STPG1: variants seen among roughly 807,000 people sequenced by gnomAD.
The protein encoded by STPG1 is O(6)-methylguanine-induced apoptosis 2.
A neutral mutation model predicts 40.1 loss-of-function variants in STPG1; 33 were observed. That is an observed-to-expected ratio of 0.82 (90% CI 0.62 to 1.10). STPG1 has a LOEUF of 1.10. STPG1 is among the 50% of genes least tolerant of loss of function. STPG1 has a pLI of 0.00. For synonymous variants in STPG1, 150 were observed against 155.0 expected (o/e 0.97, Z 0.24); for missense variants, 396 against 415.1 (o/e 0.95, Z 0.40).
rs1553126266 is a variant in STPG1, at chr1:24,396,297, A to ATCTATCTATCTATCTG, written c.71-4619_71-4618insCAGATAGATAGATAGA. 7.8e-3 allele frequency among the ~76,000 whole-genome samples: 1,036 copies of ATCTATCTATCTATCTG among 132,614 alleles called. 19 individuals carry two copies. The highest frequency in any genetic ancestry group is 0.031 in the African/African-American group (949 of 30,426). The allele number at this position is 132,614 out of a possible 152,430, so 87.0% of individuals were successfully genotyped here. On this transcript the variant is annotated intron_variant, in intron 2 of 8. Coordinates refer to ENST00000337248, the MANE Select transcript of STPG1 (RefSeq NM_001199013.2). ...TATCTATCTATCTATCTATCTATCT[A>ATCTATCTATCTATCTG]TCATCTATCTATCTTATTGATCTAT...
intron 5 of STPG1, among the ~76,000 whole-genome samples, chr1:24,375,836 TGTGTCGCTG>T (rs1641997143): frequency 6.6e-6 from 1 of 152,092 alleles, no homozygotes; most frequent in African/African-American, 2.4e-5. Flanking sequence ...ACGCTGAGTG[TGTGTCGCTG>T]GAAGATTTCC....
intron 3 of STPG1, among the ~76,000 whole-genome samples, chr1:24,389,266 C>T (rs1642648100): frequency 6.6e-6 from 1 of 152,086 alleles, no homozygotes; most frequent in Non-Finnish European, 1.5e-5. Flanking sequence ...AACTAGATCA[C>T]GGGGAATGGG....
At chr1:24,385,304 G>T (rs919475059) in intron 3 of STPG1, among the ~76,000 whole-genome samples, 1 of 152,210 alleles carries the variant, frequency 6.6e-6, no homozygotes, top group Admixed American at 6.5e-5. Context: ...GGGAGGTGAC[G>T]ACAGGGGTGC....
chr1:24,406,513 T>C (rs1264514938), intron 1 of STPG1, among the ~76,000 whole-genome samples: 2 of 152,138 alleles, frequency 1.3e-5, no homozygotes, highest in Non-Finnish European at 2.9e-5. Flanking sequence ...AGTCCTTCTA[T>C]CTACAGAAAT....
intron 1 of STPG1, among the ~76,000 whole-genome samples, chr1:24,405,512 A>AT (rs1643380242): frequency 6.6e-6 from 1 of 151,986 alleles, no homozygotes; most frequent in Admixed American, 6.6e-5. Context: ...GTTGAATGGG[A>AT]TTTTTTATAA....
intron 3 of STPG1, among the ~76,000 whole-genome samples, chr1:24,390,799 A>T (rs1642735768): frequency 1.4e-5 from 2 of 145,664 alleles, no homozygotes; most frequent in African/African-American, 5.1e-5. Flanking sequence ...TACAAAGGTA[A>T]TTTTTTTTTT....
intron 6 of STPG1, among the ~76,000 whole-genome samples, chr1:24,371,533 G>A (rs564744551): frequency 6.6e-6 from 1 of 151,068 alleles, no homozygotes; most frequent in African/African-American, 2.4e-5. Context: ...GAAGGTTGCA[G>A]TGAGCCGAGA....
At chr1:24,401,977 A>G (rs991440064) in intron 1 of STPG1, among the ~76,000 whole-genome samples, 8 of 152,178 alleles carry the variant, frequency 5.3e-5, no homozygotes, top group Admixed American at 2.0e-4. Flanking sequence ...GTGAGCCACC[A>G]TGCCTGGCCT....
In STPG1 at chr1:24,391,585, T is replaced by C. The variant is rs2294520; in HGVS notation, c.165A>G (p.Gln55=). The change falls in exon 3 of 9, where the codon CAA becomes CAG. Residue 55 remains glutamine, a synonymous_variant. Transcript: ENST00000337248. ...CCTTCTTATGAGGAAATCTCTTGGC[T>C]TGACTATTGAATCCTTTTTTTTCTG... The part of the protein sequence containing the change: ...PESEKKGFNS[Q]AKRFPHKKND... 0.25 allele frequency: 386,297 copies of C among 1,538,720 alleles called. 51,288 individuals carry two copies. The highest frequency in any genetic ancestry group is 0.47 in the East Asian group (19,124 of 40,826).
intron 7 of STPG1, among the ~76,000 whole-genome samples, chr1:24,368,119 C>T (rs1231756599): frequency 6.6e-6 from 1 of 152,184 alleles, no homozygotes; most frequent in East Asian, 1.9e-4. Context: ...TGCCCCAGCC[C>T]CTAGCCCTAC....
At chr1:24,365,464 T>C (rs1444301946) in intron 7 of STPG1, among the ~76,000 whole-genome samples, 1 of 152,222 alleles carries the variant, frequency 6.6e-6, no homozygotes, top group Non-Finnish European at 1.5e-5. Context: ...AAACCTTGGC[T>C]GATACTTCAC....
intron 6 of STPG1, 70 bp downstream of exon 6, chr1:24,373,632 T>C (rs778253351): frequency 1.1e-5 from 11 of 1,021,834 alleles, no homozygotes; most frequent in East Asian, 4.8e-5. Flanking sequence ...TGTGAAGAAG[T>C]AGGTGCCCTG....
chr1:24,390,893 C>CA (rs57524493), intron 3 of STPG1, among the ~76,000 whole-genome samples: 106,247 of 151,642 alleles, frequency 0.7, 38,303 homozygotes, highest in African/African-American at 0.89. Context: ...TCGACCTCCT[C>CA]GGTTCAGGTG....
intron 7 of STPG1, among the ~76,000 whole-genome samples, chr1:24,363,886 C>T (rs1470928144): frequency 2.0e-5 from 3 of 152,154 alleles, no homozygotes; most frequent in Admixed American, 6.5e-5. Flanking sequence ...AGGAGACAGA[C>T]GCTGAGCACC....
chr1:24,396,500 A>G (rs1643012500), intron 2 of STPG1, among the ~76,000 whole-genome samples: 1 of 152,146 alleles, frequency 6.6e-6, no homozygotes, highest in African/African-American at 2.4e-5. Context: ...TAGTCTTTGC[A>G]GTCTATTTAT....
intron 5 of STPG1, 79 bp from the exon 6 acceptor site, chr1:24,373,889 A>C: frequency 9.7e-7 from 1 of 1,033,810 alleles, no homozygotes; most frequent in Non-Finnish European, 1.5e-6. Flanking sequence ...ACAAGTGGCA[A>C]ATCTACGTAA....
intron 8 of STPG1, among the ~76,000 whole-genome samples, chr1:24,360,063 G>T (rs752735466): frequency 6.6e-6 from 1 of 152,168 alleles, no homozygotes; most frequent in East Asian, 1.9e-4. Flanking sequence ...ACTCGCTGCG[G>T]ACCTGTGGCC....
intron 1 of STPG1, among the ~76,000 whole-genome samples, chr1:24,405,444 G>A (rs1643377041): frequency 6.6e-6 from 1 of 151,996 alleles, no homozygotes; most frequent in African/African-American, 2.4e-5. Context: ...TAATTTCCAA[G>A]TAGTCAGGGG....
chr1:24,387,315 A>G (rs1642556395), intron 3 of STPG1, among the ~76,000 whole-genome samples: 1 of 152,298 alleles, frequency 6.6e-6, no homozygotes, highest in African/African-American at 2.4e-5. Flanking sequence ...TCGTGACTCC[A>G]TGGGAAATGC....
Sources: gnomAD v4.1 joint callset for allele counts (sites outside exome capture counted in the v4.1 genomes callset) on GRCh38, gnomAD v4.1.1 for gene constraint, MANE v1.5 for transcripts, NCBI Gene and HGNC (gene_info 2026-07-23, HGNC 2026-07-21) for gene names.